CFDP1: variants seen among roughly 807,000 people sequenced by gnomAD.
CFDP1 encodes chromatin remodeling protein CFDP1, also known as heterochromatin-stabilizing protein CFDP1.
CFDP1 carries 31 observed loss-of-function variants against 40.1 expected under a neutral mutation model. The observed-to-expected ratio is 0.77, with a 90% confidence interval of 0.58 to 1.04. The LOEUF (loss-of-function observed/expected upper bound fraction) is 1.04. Among genes scored for constraint, CFDP1 ranks in the 50% least tolerant of loss-of-function variants. CFDP1 has a pLI of 0.00. For missense variants in CFDP1, 423 were observed against 343.4 expected (o/e 1.23, Z -1.83); for synonymous variants, 167 against 120.0 (o/e 1.39, Z -2.56).
chr16:75,402,919 T>C (rs1567673614), intron 4 of CFDP1, among the ~76,000 whole-genome samples: 2 of 143,146 alleles, frequency 1.4e-5, no homozygotes, highest in African/African-American at 3.0e-5. Context: ...TTATATATAT[T>C]ATATATCTCT....
chr16:75,319,455 G>A (rs889054748), intron 5 of CFDP1, among the ~76,000 whole-genome samples: 2 of 152,138 alleles, frequency 1.3e-5, no homozygotes, highest in Non-Finnish European at 2.9e-5. Flanking sequence ...GGTTGGGGGG[G>A]AACGTGCTTT....
intron 1 of CFDP1, among the ~76,000 whole-genome samples, chr16:75,415,823 G>C (rs138918726): frequency 2.0e-3 from 311 of 152,278 alleles, no homozygotes; most frequent in Non-Finnish European, 3.4e-3. Flanking sequence ...ATTACAAACA[G>C]TACTGTTGTG....
intron 5 of CFDP1, among the ~76,000 whole-genome samples, chr16:75,332,540 G>A (rs1223411216): frequency 6.6e-6 from 1 of 151,678 alleles, no homozygotes; most frequent in African/African-American, 2.4e-5. Flanking sequence ...GGTGGTGCTT[G>A]TTTGTGGTCC....
chr16:75,432,626 T>C (rs949603770), intron 1 of CFDP1, among the ~76,000 whole-genome samples: 1 of 152,164 alleles, frequency 6.6e-6, no homozygotes, highest in Non-Finnish European at 1.5e-5. Flanking sequence ...AGTCTGTTTG[T>C]TTCTTGTTTG....
Position 75,416,516 on chromosome 16 carries a change from T to C in CFDP1, c.65-1821A>G, listed in dbSNP as rs530185338. On this transcript the variant is annotated intron_variant, in intron 1 of 6. Coordinates refer to ENST00000283882, the MANE Select transcript of CFDP1 (RefSeq NM_006324.3). ...TGGCTCACGCCTATAATCTCAGCCCTTTGGGAGGCCGAGGCAGGTGGTTCG... is the reference window on the plus strand; with the variant it reads ...TGGCTCACGCCTATAATCTCAGCCCCTTGGGAGGCCGAGGCAGGTGGTTCG... Among the ~76,000 whole-genome samples, 137 of 150,180 alleles carry C rather than the reference T, an allele frequency of 9.1e-4. 1 individual carries two copies. The highest frequency in any genetic ancestry group is 3.6e-3 in the Admixed American group (54 of 15,100).
intron 5 of CFDP1, among the ~76,000 whole-genome samples, chr16:75,324,245 T>C (rs1440924023): frequency 6.6e-6 from 1 of 151,046 alleles, no homozygotes; most frequent in Middle Eastern, 3.4e-3. Flanking sequence ...TGTCTGAGAG[T>C]TGAAGGATGA....
chr16:75,382,464 T>G (rs1479851358), intron 5 of CFDP1, among the ~76,000 whole-genome samples: 2 of 152,224 alleles, frequency 1.3e-5, no homozygotes, highest in Non-Finnish European at 2.9e-5. Flanking sequence ...GCTTGCAGGA[T>G]ACTGTGAAAC....
chr16:75,335,580 G>T (rs1310938369), intron 5 of CFDP1, among the ~76,000 whole-genome samples: 1 of 137,854 alleles, frequency 7.3e-6, no homozygotes, highest in African/African-American at 2.9e-5. Context: ...TTTTTTAGAC[G>T]GAGTCTTGCT....
intron 1 of CFDP1, among the ~76,000 whole-genome samples, chr16:75,417,734 A>G (rs1011326053): frequency 6.6e-5 from 10 of 152,294 alleles, no homozygotes; most frequent in African/African-American, 2.4e-4. Context: ...ATGATAACAT[A>G]ACCACATAAA....
intron 5 of CFDP1, among the ~76,000 whole-genome samples, chr16:75,331,243 A>T (rs2078443967): frequency 6.6e-6 from 1 of 152,222 alleles, no homozygotes; most frequent in East Asian, 1.9e-4. Flanking sequence ...ACTTGGCATC[A>T]AAACTTACAT....
intron 5 of CFDP1, among the ~76,000 whole-genome samples, chr16:75,374,329 T>G (rs1422377452): frequency 6.6e-6 from 1 of 152,058 alleles, no homozygotes; most frequent in Non-Finnish European, 1.5e-5. Context: ...GGCAATAAGA[T>G]GAAATATGTT....
intron 5 of CFDP1, among the ~76,000 whole-genome samples, chr16:75,388,058 G>A (rs531982828): frequency 1.5e-4 from 23 of 152,314 alleles, no homozygotes; most frequent in African/African-American, 5.5e-4. Context: ...AGTGGCAATG[G>A]CAAAGTGGCT....
At chr16:75,388,920 CTT>C (rs35626913) in intron 5 of CFDP1, among the ~76,000 whole-genome samples, 3 of 146,418 alleles carry the variant, frequency 2.0e-5, no homozygotes, top group African/African-American at 7.6e-5. Context: ...ACATTAAGGC[CTT>C]TTTTTTTTTT....
rs1036530423 is a variant in CFDP1 at position 75,381,706 on chromosome 16, C to G, written c.650+13384G>C. On this transcript the variant is annotated intron_variant, in intron 5 of 6. Transcript: ENST00000283882. The stretch of plus-strand genomic sequence containing the variant: ...TGTAATATGGGAGGATTTAGGGAAA[C>G]TGAGTTAAATACTGGACCAGTTGTG... Among the ~76,000 whole-genome samples, 4 of 152,212 alleles carry G rather than the reference C, an allele frequency of 2.6e-5. No homozygotes were observed. The East Asian group carries it at 7.7e-4, about 29-fold the overall frequency.
chr16:75,386,241 G>T (rs1324842567), intron 5 of CFDP1, among the ~76,000 whole-genome samples: 1 of 152,162 alleles, frequency 6.6e-6, no homozygotes, highest in Non-Finnish European at 1.5e-5. Flanking sequence ...AAGGAAAAAG[G>T]CTGCTATGTG....
At chr16:75,412,833 A>G (rs750935166) in intron 2 of CFDP1, 79 bp from the exon 3 acceptor site, 2 of 1,156,310 alleles carry the variant, frequency 1.7e-6, no homozygotes, top group Non-Finnish European at 2.5e-6. Flanking sequence ...CCCAAAGGTA[A>G]TCTTATAAAC....
At chr16:75,425,800 G>A (rs1366489509) in intron 1 of CFDP1, among the ~76,000 whole-genome samples, 3 of 151,962 alleles carry the variant, frequency 2.0e-5, no homozygotes, top group Non-Finnish European at 4.4e-5. Context: ...TTGGGAGGCC[G>A]GGGTGGGCGG....
At chr16:75,373,681 C>T (rs906811885) in intron 5 of CFDP1, among the ~76,000 whole-genome samples, 1 of 152,082 alleles carries the variant, frequency 6.6e-6, no homozygotes, top group Non-Finnish European at 1.5e-5. Flanking sequence ...TTGGTATGAA[C>T]GGGGTCTCCC....
intron 1 of CFDP1, among the ~76,000 whole-genome samples, chr16:75,432,108 T>C (rs570193050): frequency 4.4e-4 from 66 of 151,262 alleles, no homozygotes; most frequent in African/African-American, 1.5e-3. Flanking sequence ...GACGGGGTTT[T>C]ACCATGTTGT....
Sources: allele counts gnomAD v4.1 joint callset (sites outside exome capture counted in the v4.1 genomes callset), GRCh38; gene constraint gnomAD v4.1.1; transcripts MANE v1.5; gene names NCBI Gene and HGNC (gene_info 2026-07-23, HGNC 2026-07-21).